ADAM22: variants seen among roughly 807,000 people sequenced by gnomAD.
ADAM22 encodes ADAM metallopeptidase domain 22.
Under a neutral mutation model 144.6 loss-of-function variants are expected in ADAM22, and 65 were observed. The observed-to-expected ratio is 0.45, with a 90% CI of 0.37 to 0.55. The LOEUF is 0.55. ADAM22 is among the 20% of genes least tolerant of loss of function. The pLI is 0.00. For missense variants in ADAM22, 974 were observed against 1,184.9 expected (o/e 0.82, Z 2.61); for synonymous variants, 391 against 412.6 (o/e 0.95, Z 0.63).
chr7:88,173,500 G>A (rs1467859539), intron 26 of ADAM22, among the ~76,000 whole-genome samples: 1 of 152,002 alleles, frequency 6.6e-6, no homozygotes, highest in African/African-American at 2.4e-5. Context: ...ATGTATAAGT[G>A]TTTTCTAAAT....
At chr7:87,995,089 A>G (rs1790831798) in intron 3 of ADAM22, among the ~76,000 whole-genome samples, 1 of 152,178 alleles carries the variant, frequency 6.6e-6, no homozygotes, top group African/African-American at 2.4e-5. Flanking sequence ...AAGTGCTGGG[A>G]TTACAGGCTT....
chr7:88,134,445 G>C, intron 13 of ADAM22, 26 bp downstream of exon 13: 1 of 1,524,726 alleles, frequency 6.6e-7, no homozygotes, highest in Non-Finnish European at 9.0e-7. Flanking sequence ...TGTGTGGTTA[G>C]TTGTATTTAA....
intron 4 of ADAM22, among the ~76,000 whole-genome samples, chr7:88,083,627 G>C (rs1563180798): frequency 6.7e-6 from 1 of 148,982 alleles, no homozygotes; most frequent in Non-Finnish European, 1.5e-5. Flanking sequence ...GTGTGTGTGT[G>C]TGTGTGTATG....
intron 4 of ADAM22, among the ~76,000 whole-genome samples, chr7:88,093,106 T>C (rs1820370118): frequency 6.6e-6 from 1 of 152,214 alleles, no homozygotes; most frequent in Admixed American, 6.5e-5. Flanking sequence ...ACTAATTAGC[T>C]ATTTTATAAT....
chr7:88,179,040 G>C lies in ADAM22; in HGVS notation c.2406G>C (p.Lys802Asn), dbSNP rs1846353014. The change falls in exon 27 of 32, where the codon AAG becomes AAC. Residue 802 changes from lysine to asparagine, a missense_variant. Physicochemically the swap from Lys to Asn is moderately conservative, Grantham distance 94 (BLOSUM62 0). Around this residue, in one of 2 missense-constraint regions of ADAM22, gnomAD observed 734 missense variants for 950.6 expected, o/e 0.77. Transcript: ENST00000413139. ...VSTNSASSSKKRSAFLSHFQI... is the reference protein window; with the variant it reads ...VSTNSASSSKNRSAFLSHFQI... ...CAAACTCAGCATCTAGTTCTAAGAAGAGGTCTGCTTTTCTGTCGCATTTTC... is the reference window on the plus strand; with the variant it reads ...CAAACTCAGCATCTAGTTCTAAGAACAGGTCTGCTTTTCTGTCGCATTTTC... 16 of 1,612,216 alleles carry C rather than the reference G, an allele frequency of 9.9e-6. No individual in the cohort carries two copies. The highest frequency in any genetic ancestry group is 1.4e-5 in the Non-Finnish European group (16 of 1,178,480).
intron 3 of ADAM22, 139 bp from the exon 4 acceptor site, chr7:88,075,483 TGAGA>T (rs34297186): frequency 5.4e-5 from 26 of 480,718 alleles, no homozygotes; most frequent in Non-Finnish European, 8.4e-5. Context: ...TGTGTGAGTG[TGAGA>T]GAGAGAGAGA....
chr7:88,096,676 T>G (rs934341232), intron 4 of ADAM22, among the ~76,000 whole-genome samples: 1 of 152,116 alleles, frequency 6.6e-6, no homozygotes, highest in Non-Finnish European at 1.5e-5. Context: ...GTAAGTGCAG[T>G]GTACAAGATA....
intron 4 of ADAM22, among the ~76,000 whole-genome samples, chr7:88,094,548 T>C (rs1263394965): frequency 2.6e-5 from 4 of 152,170 alleles, no homozygotes; most frequent in African/African-American, 9.7e-5. Context: ...TCAGGTACAA[T>C]GTAAAGGAAA....
chr7:88,070,972 G>A (rs1812587496), intron 3 of ADAM22, among the ~76,000 whole-genome samples: 1 of 152,110 alleles, frequency 6.6e-6, no homozygotes, highest in African/African-American at 2.4e-5. Flanking sequence ...TGGACTTAAG[G>A]GCAGTGTTGT....
chr7:88,082,181 C>T (rs951223046), intron 4 of ADAM22, among the ~76,000 whole-genome samples: 10 of 152,128 alleles, frequency 6.6e-5, no homozygotes, highest in East Asian at 1.9e-4. Context: ...GAAATAACGC[C>T]GCATATCTAC....
rs185774146 is a variant in ADAM22 at position 87,991,878 on chromosome 7, A to G, written c.323+13466A>G. Among the ~76,000 whole-genome samples the G allele has an allele frequency of 5.4e-4, 83 of 152,356 alleles. 1 individual carries two copies. Among genetic ancestry groups the G allele is most frequent in the African/African-American group, 2.0e-3 (82 of 41,588 alleles). ...TTTTAAAGAAACATTAGAATTCTAA[A>G]GGGGTAAGTTCTTACTCTTCCCAAG... On this transcript the variant is annotated intron_variant, in intron 3 of 31. Transcript: ENST00000413139.
chr7:87,954,334 C>T (rs1846078159), intron 2 of ADAM22, among the ~76,000 whole-genome samples: 1 of 151,518 alleles, frequency 6.6e-6, no homozygotes, highest in African/African-American at 2.4e-5. Context: ...TTAGGGCAGG[C>T]CTGGTGGTGA....
chr7:88,181,375 T>A, intron 27 of ADAM22, 130 bp from the exon 28 acceptor site: 1 of 715,322 alleles, frequency 1.4e-6, no homozygotes, highest in East Asian at 2.7e-5. Context: ...CTTCATTCTT[T>A]CATTTCAGAT....
At chr7:87,971,436 C>T (rs1850419845) in intron 2 of ADAM22, among the ~76,000 whole-genome samples, 1 of 152,160 alleles carries the variant, frequency 6.6e-6, no homozygotes, top group African/African-American at 2.4e-5. Context: ...CCCACACTGG[C>T]CTCAGTGTCC....
intron 2 of ADAM22, among the ~76,000 whole-genome samples, chr7:87,955,372 G>T (rs936609595): frequency 6.6e-6 from 1 of 152,218 alleles, no homozygotes; most frequent in Admixed American, 6.5e-5. Context: ...CTCAGCTGCA[G>T]GTCTGTTGGA....
At chr7:88,025,641 T>C (rs1798844910) in intron 3 of ADAM22, among the ~76,000 whole-genome samples, 1 of 152,240 alleles carries the variant, frequency 6.6e-6, no homozygotes, top group South Asian at 2.1e-4. Context: ...CCCCAATGTA[T>C]ATTCTTGGCA....
chr7:88,007,835 A>C (rs1794328774), intron 3 of ADAM22, among the ~76,000 whole-genome samples: 1 of 152,248 alleles, frequency 6.6e-6, no homozygotes, highest in Non-Finnish European at 1.5e-5. Flanking sequence ...GGACATAGGC[A>C]TGGGCAAGGA....
At chr7:87,959,572 G>A (rs958795334) in intron 2 of ADAM22, among the ~76,000 whole-genome samples, 2 of 152,168 alleles carry the variant, frequency 1.3e-5, no homozygotes, top group African/African-American at 2.4e-5. Context: ...CAAAAACATA[G>A]CTACCAGATT....
chr7:88,069,656 G>A (rs1812222634), intron 3 of ADAM22, among the ~76,000 whole-genome samples: 1 of 152,156 alleles, frequency 6.6e-6, no homozygotes, highest in African/African-American at 2.4e-5. Context: ...TATAGTATCA[G>A]GCTCAAATGC....
Sources: allele counts gnomAD v4.1 joint callset (sites outside exome capture counted in the v4.1 genomes callset), GRCh38; gene constraint gnomAD v4.1.1; regional missense constraint gnomAD v4.1.1; transcripts MANE v1.5; gene names NCBI Gene and HGNC (gene_info 2026-07-23, HGNC 2026-07-21).